The following MBNL1 variants were observed in gnomAD, a reference collection of about 807,000 sequenced individuals.
The protein encoded by MBNL1 is muscleblind like splicing regulator 1.
Under a neutral mutation model 42.2 loss-of-function variants are expected in MBNL1, and 8 were observed. That is an observed-to-expected ratio of 0.19 (90% CI 0.11 to 0.34). MBNL1 has a LOEUF of 0.34. Among genes scored for constraint, MBNL1 ranks in the 10% least tolerant of loss-of-function variants. The pLI is 1.00. For synonymous variants in MBNL1, 169 were observed against 173.9 expected, an observed-to-expected ratio of 0.97 and a Z score of 0.22; for missense variants, 309 against 495.3, an observed-to-expected ratio of 0.62 and a Z score of 3.57.
intron 6 of MBNL1, among the ~76,000 whole-genome samples, chr3:152,451,363 A>G (rs763066875): frequency 6.6e-6 from 1 of 152,190 alleles, no homozygotes; most frequent in Non-Finnish European, 1.5e-5. Context: ...CCATCTAAGC[A>G]TCATTCAACC....
intron 2 of MBNL1, among the ~76,000 whole-genome samples, chr3:152,317,518 GC>G: frequency 6.6e-6 from 1 of 152,030 alleles, no homozygotes; most frequent in East Asian, 1.9e-4. Context: ...TGAGGTTTCA[GC>G]ATGTTACCCA....
intron 1 of MBNL1, among the ~76,000 whole-genome samples, chr3:152,282,207 A>T (rs575661550): frequency 5.3e-4 from 80 of 152,262 alleles, no homozygotes; most frequent in African/African-American, 1.9e-3. Context: ...ATTAGAAACA[A>T]AATAAAGGTA....
At chr3:152,254,952 T>C (rs910966997) in intron 2 of MBNL1, among the ~76,000 whole-genome samples, 1 of 152,152 alleles carries the variant, frequency 6.6e-6, no homozygotes, top group Non-Finnish European at 1.5e-5. Context: ...GGTGTGTCTA[T>C]CTCTAAACTG....
At position 152,340,807 on chromosome 3, in the gene MBNL1, A is replaced by C. The variant is rs200929733; in HGVS notation, c.174+40440A>C. 5 of 1,614,034 alleles carry C rather than the reference A, an allele frequency of 3.1e-6. No individual in the cohort carries two copies. In the East Asian group the frequency reaches 1.1e-4, roughly 36 times the overall value. On this transcript the variant is annotated intron_variant, in intron 2 of 9. Transcript: ENST00000324210. ...AGCAGAAGGGGACTGGACAGAACCT[A>C]CTTTTGCATAACCACTGATCCCACC... is the stretch of plus-strand genomic sequence containing the variant.
chr3:152,244,873 A>G (rs1256758768), intron 2 of MBNL1, among the ~76,000 whole-genome samples: 1 of 152,106 alleles, frequency 6.6e-6, no homozygotes, highest in Non-Finnish European at 1.5e-5. Context: ...AAAAAAAAGC[A>G]TTCTTACATT....
chr3:152,439,756 G>A (rs934137522), intron 4 of MBNL1, among the ~76,000 whole-genome samples: 5 of 152,108 alleles, frequency 3.3e-5, no homozygotes, highest in Non-Finnish European at 5.9e-5. Context: ...GACTTAGGTG[G>A]GAGGATCACT....
chr3:152,327,966 TATTA>T (rs1175796279), intron 2 of MBNL1, among the ~76,000 whole-genome samples: 1 of 152,104 alleles, frequency 6.6e-6, no homozygotes, highest in East Asian at 1.9e-4. Flanking sequence ...AGGAAGTTTT[TATTA>T]ATTTATTTTT....
At chr3:152,277,646 AAAGC>A (rs2046045637) in intron 1 of MBNL1, among the ~76,000 whole-genome samples, 1 of 152,148 alleles carries the variant, frequency 6.6e-6, no homozygotes, top group Non-Finnish European at 1.5e-5. Context: ...AATAGAATAG[AAAGC>A]TTTATTGGAA....
chr3:152,361,776 C>G (rs530307842), intron 2 of MBNL1, among the ~76,000 whole-genome samples: 1 of 152,226 alleles, frequency 6.6e-6, no homozygotes, highest in African/African-American at 2.4e-5. Context: ...TAGATTAAAT[C>G]TTGCTTTAAT....
intron 3 of MBNL1, among the ~76,000 whole-genome samples, chr3:152,428,958 C>CTCAT (rs964417944): frequency 6.6e-6 from 1 of 152,180 alleles, no homozygotes; most frequent in Non-Finnish European, 1.5e-5. Context: ...CTGCAATTCA[C>CTCAT]TCATTCATTC....
intron 2 of MBNL1, among the ~76,000 whole-genome samples, chr3:152,314,290 C>CT (rs151238500): frequency 0.14 from 20,991 of 145,724 alleles, 1,701 homozygotes; most frequent in East Asian, 0.21. Flanking sequence ...TTTATCACAG[C>CT]TTTTTTTTTT....
At chr3:152,435,858 T>C (rs1264173312) in intron 4 of MBNL1, among the ~76,000 whole-genome samples, 1 of 152,128 alleles carries the variant, frequency 6.6e-6, no homozygotes, top group African/African-American at 2.4e-5. Flanking sequence ...TGTTGCTGGT[T>C]TATAGGAATG....
Position 152,440,326 on chromosome 3 carries a change from G to C in MBNL1, c.550-4956G>C, listed in dbSNP as rs539584666. The stretch of plus-strand genomic sequence containing the variant: ...TGCTGATAAAGACATACCCAAGACT[G>C]GGCAATTTACGAAAAGAAAGAGGTT... On this transcript the variant is annotated intron_variant, in intron 4 of 9. Transcript: ENST00000324210. 1.4e-4 allele frequency among the ~76,000 whole-genome samples: 22 copies of C among 152,276 alleles called. 2 individuals are homozygous for C. The highest frequency in any genetic ancestry group is 5.3e-4 in the African/African-American group (22 of 41,558).
chr3:152,458,469 A>C (rs1738216564), intron 8 of MBNL1: 1 of 392,926 alleles, frequency 2.5e-6, no homozygotes, highest in Non-Finnish European at 4.8e-6. Context: ...GCATAGAGTA[A>C]TGAGTTGCTT....
At chr3:152,245,146 CAAACT>C in intron 2 of MBNL1, among the ~76,000 whole-genome samples, 1 of 151,970 alleles carries the variant, frequency 6.6e-6, no homozygotes, top group South Asian at 2.1e-4. Flanking sequence ...AATTGGAAAT[CAAACT>C]AAACTGAAAC....
chr3:152,420,563 A>G (rs970321588), intron 3 of MBNL1, among the ~76,000 whole-genome samples: 1 of 152,232 alleles, frequency 6.6e-6, no homozygotes, highest in Non-Finnish European at 1.5e-5. Flanking sequence ...ACAGAAAGCA[A>G]TAACATCAAC....
intron 1 of MBNL1, among the ~76,000 whole-genome samples, chr3:152,291,195 G>A (rs1054481384): frequency 2.0e-5 from 3 of 152,058 alleles, no homozygotes; most frequent in Non-Finnish European, 2.9e-5. Flanking sequence ...TCTTGTAGAA[G>A]GAAATGTTAA....
intron 5 of MBNL1, chr3:152,446,885 TGA>T (rs1409218514): frequency 1.3e-5 from 9 of 719,698 alleles, no homozygotes; most frequent in Non-Finnish European, 1.9e-5. Flanking sequence ...ATGAAAAAAC[TGA>T]GTGTGGTTTC....
intron 6 of MBNL1, among the ~76,000 whole-genome samples, chr3:152,450,217 A>G (rs923640025): frequency 2.0e-5 from 3 of 152,304 alleles, no homozygotes; most frequent in African/African-American, 7.2e-5. Flanking sequence ...GTAACATAAA[A>G]TAACATTTAT....
Sources: gnomAD v4.1 joint callset for allele counts (sites outside exome capture counted in the v4.1 genomes callset) on GRCh38, gnomAD v4.1.1 for gene constraint, MANE v1.5 for transcripts, NCBI Gene and HGNC (gene_info 2026-07-23, HGNC 2026-07-21) for gene names.